ZNF503: variants seen among roughly 807,000 people sequenced by gnomAD.
ZNF503 encodes zinc finger protein 503.
ZNF503 carries 15 observed loss-of-function variants against 34.4 expected under a neutral mutation model. That is an observed-to-expected ratio of 0.44 (90% confidence interval 0.29 to 0.67). The LOEUF (loss-of-function observed/expected upper bound fraction) is 0.67, where lower values mean the gene tolerates loss of function less well. Ranked by LOEUF, ZNF503 falls within the 30% of genes least tolerant of loss-of-function variation. The pLI is 0.13. For synonymous variants in ZNF503, 580 were observed against 456.8 expected, an observed-to-expected ratio of 1.27 and a Z score of -3.44; for missense variants, 1,007 against 926.8, an observed-to-expected ratio of 1.09 and a Z score of -1.12.
chr10:75,379,021 C>G, the ZNF503 span, among the ~76,000 whole-genome samples: 18 of 152,270 alleles, frequency 1.2e-4, no homozygotes, highest in East Asian at 3.3e-3. Context: ...TTAATTACCC[C>G]TAACAGTGCC....
At chr10:75,337,307 C>T in the ZNF503 span, among the ~76,000 whole-genome samples, 2 of 144,904 alleles carry the variant, frequency 1.4e-5, no homozygotes, top group South Asian at 2.2e-4. Flanking sequence ...CCAGCATGGG[C>T]AACAAAGTGA....
chr10:75,334,658 G>A, the ZNF503 span, among the ~76,000 whole-genome samples: 31 of 152,312 alleles, frequency 2.0e-4, no homozygotes, highest in Non-Finnish European at 3.2e-4. Flanking sequence ...TAGAAATAAG[G>A]TTAGGCCTTA....
At chr10:75,370,976 C>T in the ZNF503 span, among the ~76,000 whole-genome samples, 1 of 152,090 alleles carries the variant, frequency 6.6e-6, no homozygotes, top group African/African-American at 2.4e-5. Flanking sequence ...AAGAGATGTC[C>T]TGGCTTTCGA....
chr10:75,388,632 T>C, the ZNF503 span, among the ~76,000 whole-genome samples: 14 of 152,246 alleles, frequency 9.2e-5, no homozygotes, highest in Non-Finnish European at 1.9e-4. Flanking sequence ...ACTTTGCCGC[T>C]TTGTGCCTCA....
the ZNF503 span, among the ~76,000 whole-genome samples, chr10:75,322,148 CAG>C: frequency 7.6e-6 from 1 of 131,792 alleles, no homozygotes; most frequent in Admixed American, 7.7e-5. Flanking sequence ...TTTTTTGAGA[CAG>C]AGTCTTGCTC....
At chr10:75,306,518 T>C in the ZNF503 span, among the ~76,000 whole-genome samples, 1 of 152,248 alleles carries the variant, frequency 6.6e-6, no homozygotes, top group African/African-American at 2.4e-5. Flanking sequence ...TTGTTGATGA[T>C]GCCATCTGAT....
chr10:75,382,433 T>C, the ZNF503 span: 1 of 464,022 alleles, frequency 2.2e-6, no homozygotes, highest in African/African-American at 2.1e-5. Context: ...ACTATCTGTT[T>C]CCATTCTCTT....
chr10:75,393,425 C>A (rs1314666398), downstream of ZNF503, among the ~76,000 whole-genome samples: 1 of 152,148 alleles, frequency 6.6e-6, no homozygotes, highest in Non-Finnish European at 1.5e-5. Flanking sequence ...GAAATGGTGT[C>A]TTTATTATTT....
At chr10:75,304,116 G>A in the ZNF503 span, among the ~76,000 whole-genome samples, 2 of 152,292 alleles carry the variant, frequency 1.3e-5, no homozygotes, top group African/African-American at 4.8e-5. Flanking sequence ...TTACAGGCGT[G>A]AGCCACCACG....
the ZNF503 span, among the ~76,000 whole-genome samples, chr10:75,314,985 A>C: frequency 6.6e-6 from 1 of 152,262 alleles, no homozygotes; most frequent in East Asian, 1.9e-4. Flanking sequence ...GTATATAGTT[A>C]ATTCAGATTA....
chr10:75,333,328 A>T, the ZNF503 span, among the ~76,000 whole-genome samples: 1 of 46,716 alleles, frequency 2.1e-5, no homozygotes, highest in East Asian at 7.4e-4. Flanking sequence ...GGCTGGGCAG[A>T]GGGGCTCCTC....
chr10:75,297,674 T>A, the ZNF503 span, among the ~76,000 whole-genome samples: 1 of 152,222 alleles, frequency 6.6e-6, no homozygotes, highest in Admixed American at 6.5e-5. Context: ...ACTCGTTAAT[T>A]GGCTCATTCA....
chr10:75,369,353 C>A, the ZNF503 span, among the ~76,000 whole-genome samples: 25 of 152,290 alleles, frequency 1.6e-4, no homozygotes, highest in Middle Eastern at 6.8e-3. Flanking sequence ...AAGGGTATGA[C>A]AAGGTGGAGA....
the ZNF503 span, among the ~76,000 whole-genome samples, chr10:75,389,874 G>A: frequency 2.6e-5 from 4 of 152,278 alleles, no homozygotes; most frequent in South Asian, 8.3e-4. Context: ...TCCGTTTTGG[G>A]TTGGAGGCTG....
chr10:75,370,468 C>A, the ZNF503 span, among the ~76,000 whole-genome samples: 2 of 152,036 alleles, frequency 1.3e-5, no homozygotes, highest in Non-Finnish European at 2.9e-5. Flanking sequence ...CCGAATCCTG[C>A]GGCTGGGGTG....
downstream of ZNF503, chr10:75,397,802 C>T (rs1843719298): frequency 6.6e-6 from 1 of 152,564 alleles, no homozygotes; most frequent in Non-Finnish European, 1.5e-5. Flanking sequence ...GCCATGCTCT[C>T]TTTAACCAAA....
chr10:75,390,795 G>T, the ZNF503 span, among the ~76,000 whole-genome samples: 1 of 152,136 alleles, frequency 6.6e-6, no homozygotes, highest in African/African-American at 2.4e-5. Flanking sequence ...GTCAACTTGG[G>T]CTGCCAGACA....
chr10:75,399,184 G>A lies in ZNF503; in HGVS notation c.1506C>T (p.Pro502=), dbSNP rs138155262. ...GGTCGTTAGGGAGCATAAAGCCGTA[G>A]GGGTAGAGGGGGTGGCCGGCCAGGG... ...PPSLAGHPLY[P]YGFMLPNDPL... Residue 502 remains proline, a synonymous_variant, in exon 2 of 2, where the codon CCC becomes CCT. Transcript: ENST00000372524. 108 of 1,603,780 alleles carry A rather than the reference G, an allele frequency of 6.7e-5. No homozygotes were observed. The African/African-American group carries it at 1.0e-3, about 15-fold the overall frequency.
At chr10:75,351,194 A>G in the ZNF503 span, among the ~76,000 whole-genome samples, 1 of 151,444 alleles carries the variant, frequency 6.6e-6, no homozygotes, top group Non-Finnish European at 1.5e-5. Context: ...CTTTTTTGAG[A>G]TGGAGTCTCC....
Sources: gnomAD v4.1 joint callset for allele counts (sites outside exome capture counted in the v4.1 genomes callset) on GRCh38, gnomAD v4.1.1 for gene constraint, MANE v1.5 for transcripts, NCBI Gene and HGNC (gene_info 2026-07-23, HGNC 2026-07-21) for gene names.